Variants in TMEM220 observed in about 807,000 individuals in gnomAD.
The protein encoded by TMEM220 is transmembrane protein 220.
TMEM220 carries 21 observed loss-of-function variants against 21.7 expected under a neutral mutation model. The ratio of observed to expected loss-of-function variants is 0.97; its 90% CI spans 0.69 to 1.39. TMEM220 has a LOEUF of 1.39. Among genes scored for constraint, TMEM220 ranks in the 40% most tolerant of loss-of-function variants. The pLI, the probability that TMEM220 is intolerant of heterozygous loss-of-function variation, is 0.00. For synonymous variants in TMEM220, 80 were observed against 73.6 expected, an observed-to-expected ratio of 1.09 and a Z score of -0.45; for missense variants, 191 against 201.9, an observed-to-expected ratio of 0.95 and a Z score of 0.33.
chr17:10,716,839 G>A (rs1291086997), intron 5 of TMEM220, among the ~76,000 whole-genome samples: 1 of 151,950 alleles, frequency 6.6e-6, no homozygotes, highest in Admixed American at 6.6e-5. Context: ...TATATGTTTA[G>A]CCCTCCAATT....
At chr17:10,724,337 T>TTCGC (rs1355149970) in intron 4 of TMEM220, 1 of 152,420 alleles carries the variant, frequency 6.6e-6, no homozygotes, top group Non-Finnish European at 1.5e-5. Context: ...ATCCCAGCAC[T>TTCGC]TTGAGAGGCC....
chr17:10,726,496 C>T, intron 2 of TMEM220: 1 of 548,182 alleles, frequency 1.8e-6, no homozygotes, highest in East Asian at 2.9e-5. Context: ...ATTCCAGAAG[C>T]TCATTTATCT....
intron 5 of TMEM220, chr17:10,716,285 A>G (rs1396866219): frequency 7.4e-6 from 5 of 673,334 alleles, no homozygotes; most frequent in Admixed American, 1.8e-5. Flanking sequence ...GGAGGAGGCC[A>G]TAACGCATCA....
chr17:10,728,574 G>A (rs1464940537), intron 2 of TMEM220, among the ~76,000 whole-genome samples: 1 of 152,182 alleles, frequency 6.6e-6, no homozygotes, highest in Admixed American at 6.5e-5. Flanking sequence ...GCCTCCCAGA[G>A]TGCTGAGATT....
rs768256559 is a variant in TMEM220, at chr17:10,715,537, A to G, written c.399T>C (p.Leu133=). The change falls in exon 6 of 6, where the codon CTT becomes CTC. Residue 133 remains leucine, a synonymous_variant. Transcript: ENST00000341871. ...IQLAIAIVIT[L]FPFISWVYIY... is the part of the protein sequence containing the mutation. Reference sequence around the variant, plus strand: ...TGTAGACCCATGAGATAAATGGGAAAAGTGTGATTACAATGGCAATAGCCA... The same window carrying G: ...TGTAGACCCATGAGATAAATGGGAAGAGTGTGATTACAATGGCAATAGCCA... 6.9e-6 allele frequency: 11 copies of G among 1,605,198 alleles called. No individual in the cohort carries two copies. The East Asian group carries it at 2.5e-4, about 36-fold the overall frequency.
At chr17:10,721,623 AAAAAG>A (rs1256385277) in intron 5 of TMEM220, among the ~76,000 whole-genome samples, 37,409 of 121,966 alleles carry the variant, frequency 0.31, 5,513 homozygotes, top group African/African-American at 0.39. Flanking sequence ...AAAAAAAGAA[AAAAAG>A]AAAAAAAAGA....
At chr17:10,712,856 G>A (rs1260692455), downstream of TMEM220, among the ~76,000 whole-genome samples, 5 of 152,342 alleles carry the variant, frequency 3.3e-5, no homozygotes, top group Middle Eastern at 6.8e-3. Flanking sequence ...GATGAGCCAA[G>A]AGTTAGAATT....
intron 5 of TMEM220, among the ~76,000 whole-genome samples, chr17:10,722,287 G>A (rs887000277): frequency 6.6e-6 from 1 of 152,098 alleles, no homozygotes; most frequent in African/African-American, 2.4e-5. Flanking sequence ...GAGCCACCTC[G>A]CCTGGCCTAG....
At chr17:10,718,411 C>T (rs904240033) in intron 5 of TMEM220, among the ~76,000 whole-genome samples, 2 of 151,592 alleles carry the variant, frequency 1.3e-5, no homozygotes, top group African/African-American at 4.8e-5. Context: ...AATATTTGAC[C>T]TTGTTAATTC....
chr17:10,716,027 A>G (rs1383314966), intron 5 of TMEM220: 1 of 522,232 alleles, frequency 1.9e-6, no homozygotes, highest in African/African-American at 2.6e-5. Context: ...GATAATGGTA[A>G]TTAAAAACTA....
intron 5 of TMEM220, chr17:10,716,430 G>A (rs1224789461): frequency 1.2e-5 from 8 of 657,070 alleles, no homozygotes; most frequent in African/African-American, 3.6e-5. Context: ...TTTCCCGTCC[G>A]GTCAGAACTC....
Position 10,729,887 on chromosome 17 carries a change from C to T in TMEM220, c.-36G>A, listed in dbSNP as rs1311206556. The T allele has an allele frequency of 2.4e-6, 3 of 1,268,010 alleles. No homozygotes were observed. Among genetic ancestry groups the T allele is most frequent in the Non-Finnish European group, 3.0e-6 (3 of 1,010,202 alleles). The allele number at this position is 1,268,010 out of a possible 1,614,324, so 78.5% of individuals were successfully genotyped here. On this transcript the variant is annotated 5_prime_UTR_variant, in exon 1 of 6. Coordinates refer to ENST00000341871, the MANE Select transcript of TMEM220 (RefSeq NM_001004313.3). ...ACACGGCGCGGGGCGGTGAGTCCTG[C>T]CACGTGCGGGGCGGTGAGTCCTGCC...
rs2074876587 is a variant in TMEM220, at chr17:10,713,958, TC to T, written c.*1494del. On this transcript the variant is annotated 3_prime_UTR_variant, in exon 6 of 6. Transcript: ENST00000341871. Reference sequence around the variant, plus strand: ...GTATTTCCCAGATCTCTTTCCTAGATCAGAAAAAACAGTATCTGACCACAGA... The same window carrying T: ...GTATTTCCCAGATCTCTTTCCTAGATAGAAAAAACAGTATCTGACCACAGA... 2 of 152,158 alleles carry T rather than the reference TC, an allele frequency of 1.3e-5. No homozygotes were observed. Among genetic ancestry groups the T allele is most frequent in the Non-Finnish European group, 2.9e-5 (2 of 68,030 alleles). The allele number at this position is 152,158 out of a possible 1,614,324, so 9.4% of individuals were successfully genotyped here.
chr17:10,719,331 C>T (rs1464874968), intron 5 of TMEM220, among the ~76,000 whole-genome samples: 2 of 152,158 alleles, frequency 1.3e-5, no homozygotes, highest in African/African-American at 4.8e-5. Context: ...GGCTGGAGTG[C>T]AGTGGCGCGA....
rs745918995 is a variant in TMEM220, at chr17:10,726,249, G to A, written c.118C>T (p.Pro40Ser). The change falls in exon 3 of 6, where the codon CCT becomes TCT. Residue 40 changes from proline to serine, a missense_variant. Physicochemically the swap from Pro to Ser is moderately conservative, Grantham distance 74. Coordinates refer to ENST00000341871, the MANE Select transcript of TMEM220 (RefSeq NM_001004313.3). ...CCAACAAGCAGGGTCAGTACTGCAGGGATTGTGTACACCACCTGTTAGCAA... is the reference window on the plus strand; with the variant it reads ...CCAACAAGCAGGGTCAGTACTGCAGAGATTGTGTACACCACCTGTTAGCAA... ...AEVWVVVYTI[P>S]AVLTLLVGLN... 6 of 1,613,970 alleles carry A rather than the reference G, an allele frequency of 3.7e-6. No individual in the cohort carries two copies. In the South Asian group the frequency reaches 4.4e-5, roughly 12 times the overall value.
chr17:10,716,278 G>T, intron 5 of TMEM220: 1 of 694,468 alleles, frequency 1.4e-6, no homozygotes, highest in Non-Finnish European at 2.7e-6. Flanking sequence ...TCGGTTGGGA[G>T]GAGGCCATAA....
Position 10,714,852 on chromosome 17 carries a change from G to A in TMEM220, c.*601C>T, listed in dbSNP as rs930020229. 1 of 151,964 alleles carries A rather than the reference G, an allele frequency of 6.6e-6. No individual in the cohort carries two copies. The highest frequency in any genetic ancestry group is 1.5e-5 in the Non-Finnish European group (1 of 68,276). 9.4% of individuals were successfully genotyped at this position (151,964 alleles called of 1,614,324 possible). On this transcript the variant is annotated 3_prime_UTR_variant, in exon 6 of 6. Transcript: ENST00000341871. ...AGGAGGATCACCTGAGCCCCGGGAG[G>A]TCAGGACTGCAGTGAGCCATGATCA... is the stretch of plus-strand genomic sequence containing the variant.
chr17:10,717,335 G>A (rs1314532304), intron 5 of TMEM220, among the ~76,000 whole-genome samples: 2 of 151,388 alleles, frequency 1.3e-5, no homozygotes, highest in Admixed American at 6.6e-5. Context: ...CTTCTATCAG[G>A]TTAAGTTCCC....
At chr17:10,721,604 C>CAAAAAAAA (rs1194075248) in intron 5 of TMEM220, among the ~76,000 whole-genome samples, 90 of 35,714 alleles carry the variant, frequency 2.5e-3, no homozygotes, top group African/African-American at 3.8e-3. Flanking sequence ...GACTCTGTCT[C>CAAAAAAAA]AAAAAAAAAA....
Sources: allele counts gnomAD v4.1 joint callset (sites outside exome capture counted in the v4.1 genomes callset), GRCh38; gene constraint gnomAD v4.1.1; transcripts MANE v1.5; gene names NCBI Gene and HGNC (gene_info 2026-07-23, HGNC 2026-07-21).